Variants in FOXN3 observed in about 807,000 individuals in gnomAD.
FOXN3 encodes the protein forkhead box N3, also known as forkhead box protein N3.
Under a neutral mutation model 38.4 loss-of-function variants are expected in FOXN3, and 7 were observed. The observed-to-expected ratio is 0.18, with a 90% CI of 0.10 to 0.34. The LOEUF (loss-of-function observed/expected upper bound fraction) is 0.34, where lower values mean the gene tolerates loss of function less well. Ranked by LOEUF, FOXN3 falls within the 10% of genes least tolerant of loss-of-function variation. The pLI is 1.00. For missense variants in FOXN3, 456 were observed against 613.4 expected (o/e 0.74, Z 2.71); for synonymous variants, 230 against 242.2 (o/e 0.95, Z 0.47).
chr14:89,538,140 T>A (rs984442527), intron 1 of FOXN3, among the ~76,000 whole-genome samples: 1 of 152,230 alleles, frequency 6.6e-6, no homozygotes, highest in Non-Finnish European at 1.5e-5. Context: ...AGGGGGTTAA[T>A]CACTTGGCTA....
chr14:89,554,946 G>A (rs1319771802), intron 1 of FOXN3, among the ~76,000 whole-genome samples: 1 of 151,808 alleles, frequency 6.6e-6, no homozygotes, highest in Non-Finnish European at 1.5e-5. Flanking sequence ...CCAGCACCAT[G>A]CCTGGCTGGT....
At chr14:89,408,609 C>T (rs79538549) in intron 2 of FOXN3, among the ~76,000 whole-genome samples, 20,843 of 148,884 alleles carry the variant, frequency 0.14, 1,564 homozygotes, top group Non-Finnish European at 0.17. Context: ...CCCTCCCCAA[C>T]ATCCCAGCCA....
intron 3 of FOXN3, among the ~76,000 whole-genome samples, chr14:89,310,137 G>A (rs1207555721): frequency 1.3e-5 from 2 of 152,218 alleles, no homozygotes; most frequent in Non-Finnish European, 2.9e-5. Context: ...CCAGCCACAA[G>A]TCAAAAAATG....
chr14:89,500,615 G>A (rs1893776687), intron 1 of FOXN3, among the ~76,000 whole-genome samples: 1 of 152,182 alleles, frequency 6.6e-6, no homozygotes, highest in Non-Finnish European at 1.5e-5. Flanking sequence ...ACAGCATCGG[G>A]GCTGGAAAAA....
chr14:89,560,301 G>T (rs1895221299), intron 1 of FOXN3, among the ~76,000 whole-genome samples: 1 of 152,158 alleles, frequency 6.6e-6, no homozygotes, highest in African/African-American at 2.4e-5. Flanking sequence ...CATTTGGGTG[G>T]GGACACAGAG....
At chr14:89,468,381 G>T (rs945030178) in intron 1 of FOXN3, among the ~76,000 whole-genome samples, 8 of 152,066 alleles carry the variant, frequency 5.3e-5, no homozygotes, top group Admixed American at 1.3e-4. Context: ...TTGAACCAGG[G>T]AGGTGGAGGC....
rs552276042 is a variant in FOXN3 at position 89,412,196 on chromosome 14, G to A, written c.281C>T (p.Thr94Ile). 12 of 1,613,602 alleles carry A rather than the reference G, an allele frequency of 7.4e-6. No homozygotes were observed. In the South Asian group the frequency reaches 1.3e-4, roughly 18 times the overall value. The change falls in exon 2 of 6, where the codon ACC becomes ATC. Residue 94 changes from threonine to isoleucine, a missense_variant. Thr to Ile is a moderately conservative substitution (Grantham distance 89, BLOSUM62 -1). Transcript: ENST00000557258. The surrounding 1 kb of genome is among the most constrained non-coding windows in gnomAD (Gnocchi z 4.7). Reference protein sequence around the residue: ...VSPVQDLDDDTPPSPAHSDMP... With the variant: ...VSPVQDLDDDIPPSPAHSDMP... Reference sequence around the variant, plus strand: ...GTCAGAGTGGGCAGGGGATGGGGGGGTGTCATCGTCCAGGTCCTGGACGGG... The same window carrying A: ...GTCAGAGTGGGCAGGGGATGGGGGGATGTCATCGTCCAGGTCCTGGACGGG...
At chr14:89,388,625 A>G (rs1890855018) in intron 2 of FOXN3, among the ~76,000 whole-genome samples, 1 of 152,004 alleles carries the variant, frequency 6.6e-6, no homozygotes, top group East Asian at 1.9e-4. Flanking sequence ...GTCACAGATA[A>G]ATGTGTAAAT....
chr14:89,496,142 G>A (rs933545304), intron 1 of FOXN3, among the ~76,000 whole-genome samples: 47 of 152,124 alleles, frequency 3.1e-4, no homozygotes, highest in African/African-American at 1.1e-3. Context: ...GAACCCGGGA[G>A]GCGGAGGTTG....
intron 2 of FOXN3, chr14:89,353,933 T>C (rs929473260): frequency 1.3e-5 from 2 of 151,972 alleles, no homozygotes; most frequent in Admixed American, 6.6e-5. Context: ...GGTTTCACCA[T>C]GTTGGCCAGG....
chr14:89,297,381 T>C (rs370054688), intron 3 of FOXN3, among the ~76,000 whole-genome samples: 92 of 151,428 alleles, frequency 6.1e-4, no homozygotes, highest in African/African-American at 2.2e-3. Flanking sequence ...GCTAACACGG[T>C]GAAACCCTCT....
At chr14:89,300,923 C>T (rs1054643234) in intron 3 of FOXN3, among the ~76,000 whole-genome samples, 5 of 152,064 alleles carry the variant, frequency 3.3e-5, no homozygotes, top group Admixed American at 6.6e-5. Flanking sequence ...CAGCCTTCCA[C>T]GTAGCTGGGA....
intron 2 of FOXN3, among the ~76,000 whole-genome samples, chr14:89,408,350 C>T (rs145889813): frequency 5.3e-5 from 8 of 151,908 alleles, no homozygotes; most frequent in African/African-American, 1.7e-4. Context: ...CTCCACCTCC[C>T]GGGCTCACAC....
intron 1 of FOXN3, among the ~76,000 whole-genome samples, chr14:89,567,140 A>C (rs1566702567): frequency 6.6e-6 from 1 of 152,042 alleles, no homozygotes; most frequent in Non-Finnish European, 1.5e-5. Flanking sequence ...ATTCAGCTAA[A>C]ATCTCTTTTT....
At chr14:89,297,665 G>A (rs1887085465) in intron 3 of FOXN3, among the ~76,000 whole-genome samples, 1 of 151,948 alleles carries the variant, frequency 6.6e-6, no homozygotes, top group Admixed American at 6.6e-5. Flanking sequence ...AGAGATACTC[G>A]TACACCCATG....
rs149712827 is a variant in FOXN3, at chr14:89,296,692, A to G, written c.681-15678T>C. 2.9e-3 allele frequency among the ~76,000 whole-genome samples: 445 copies of G among 152,278 alleles called. 2 individuals are homozygous for G. Among genetic ancestry groups the G allele is most frequent in the African/African-American group, 0.01 (433 of 41,568 alleles). ...GCTCTGTCGTCTAGGCTGGAGCGCA[A>G]TGGCACGATTTCAGCTCCCTGCAAC... On this transcript the variant is annotated intron_variant, in intron 3 of 5. Transcript: ENST00000557258.
intron 2 of FOXN3, among the ~76,000 whole-genome samples, chr14:89,379,469 C>T (rs761907694): frequency 1.1e-4 from 17 of 152,058 alleles, no homozygotes; most frequent in South Asian, 2.1e-4. Flanking sequence ...TGCAGTAGAC[C>T]GCTCCCCCGA....
chr14:89,337,356 G>GA (rs1187728814), intron 3 of FOXN3, among the ~76,000 whole-genome samples: 1 of 152,048 alleles, frequency 6.6e-6, no homozygotes, highest in Non-Finnish European at 1.5e-5. Context: ...GAATGTAGGG[G>GA]AAAAAAACTA....
rs1278196424 is a variant in FOXN3 at position 89,192,765 on chromosome 14, A to G, written c.746-11959T>C. On this transcript the variant is annotated intron_variant, in intron 4 of 5. Transcript: ENST00000557258. ...TATACTATCATATATAATAGTTTAT[A>G]TATTATTAGTTGAATTTTATATATT... Among the ~76,000 whole-genome samples the G allele has an allele frequency of 2.0e-5, 3 of 146,788 alleles. 1 individual carries two copies. The highest frequency in any genetic ancestry group is 7.4e-5 in the African/African-American group (3 of 40,558).
Sources: allele counts gnomAD v4.1 joint callset (sites outside exome capture counted in the v4.1 genomes callset), GRCh38; gene constraint gnomAD v4.1.1; non-coding constraint Gnocchi (gnomAD v3.1); transcripts MANE v1.5; gene names NCBI Gene and HGNC (gene_info 2026-07-23, HGNC 2026-07-21).